The following KPNA1 variants were observed in gnomAD, a reference collection of about 807,000 sequenced individuals.
KPNA1 encodes importin subunit alpha-5.
In KPNA1, 10 loss-of-function variants were observed where a neutral mutation model predicts 70.5. That is an observed-to-expected ratio of 0.14 (90% CI 0.09 to 0.24). The LOEUF is 0.24. Among genes scored for constraint, KPNA1 ranks in the 10% least tolerant of loss-of-function variants. KPNA1 has a pLI of 1.00. For missense variants in KPNA1, 397 were observed against 637.9 expected, an observed-to-expected ratio of 0.62 and a Z score of 4.07; for synonymous variants, 192 against 221.9, an observed-to-expected ratio of 0.87 and a Z score of 1.20.
intron 2 of KPNA1, among the ~76,000 whole-genome samples, chr3:122,471,496 G>A (rs952203341): frequency 6.6e-6 from 1 of 152,180 alleles, no homozygotes; most frequent in African/African-American, 2.4e-5. Flanking sequence ...TAAAAACACA[G>A]ATTAAAAGTA....
intron 2 of KPNA1, among the ~76,000 whole-genome samples, chr3:122,469,995 T>A (rs890092057): frequency 5.9e-5 from 9 of 152,212 alleles, no homozygotes; most frequent in Non-Finnish European, 1.2e-4. Context: ...TAGACCTGCT[T>A]TGCAAGAAAT....
intron 9 of KPNA1, among the ~76,000 whole-genome samples, chr3:122,444,378 A>G (rs1341185598): frequency 6.6e-6 from 1 of 152,248 alleles, no homozygotes; most frequent in Non-Finnish European, 1.5e-5. Flanking sequence ...TGACAGGATT[A>G]AGAGATTAAA....
Position 122,449,015 on chromosome 3 carries a change from T to C in KPNA1, c.917+559A>G, listed in dbSNP as rs574206099. On this transcript the variant is annotated intron_variant, in intron 9 of 13. Transcript: ENST00000344337. ...GCGACAATGTCTCTTTGCATCTACT[T>C]TGTACTTTAAATCTCCCATACCTTG... Among the ~76,000 whole-genome samples, 5 of 152,360 alleles carry C rather than the reference T, an allele frequency of 3.3e-5. No homozygotes were observed. In the East Asian group the frequency reaches 7.7e-4, roughly 23 times the overall value.
chr3:122,463,834 A>C, intron 4 of KPNA1, 108 bp downstream of exon 4: 1 of 503,634 alleles, frequency 2.0e-6, no homozygotes, highest in South Asian at 4.0e-5. Flanking sequence ...TTATTCTTTT[A>C]TTGATAAAAA....
rs980426413 is a variant in KPNA1, at chr3:122,426,936, C to T, written c.*49G>A. ...GGACTGTGGGCTCCACAAGAGGACT[C>T]GACTGGGTAGCCTGGTCTGACACAG... On this transcript the variant is annotated 3_prime_UTR_variant, in exon 14 of 14. Transcript: ENST00000344337. 6 of 1,503,426 alleles carry T rather than the reference C, an allele frequency of 4.0e-6. No homozygotes were observed. The highest frequency in any genetic ancestry group is 3.5e-5 in the South Asian group (3 of 86,648). 93.1% of individuals were successfully genotyped at this position (1,503,426 alleles called of 1,614,324 possible). A position where few individuals can be genotyped will look rare whatever the true frequency, so the allele number is the denominator to read the frequency against.
intron 1 of KPNA1, among the ~76,000 whole-genome samples, chr3:122,510,292 T>A (rs545302578): frequency 7.2e-5 from 11 of 152,240 alleles, no homozygotes; most frequent in African/African-American, 2.6e-4. Context: ...GGGGAACCAG[T>A]ACAAAAGAGG....
chr3:122,451,606 G>C lies in KPNA1; in HGVS notation c.681C>G (p.Thr227=), dbSNP rs745467541. 2 of 1,613,868 alleles carry C rather than the reference G, an allele frequency of 1.2e-6. No individual in the cohort carries two copies. Among genetic ancestry groups the C allele is most frequent in the Non-Finnish European group, 8.5e-7 (1 of 1,179,862 alleles). The change falls in exon 8 of 14, where the codon ACC becomes ACG. Residue 227 remains threonine (T), a synonymous_variant. Transcript: ENST00000344337. ...AAGCCCATACTGCATTCCGGGTCAT[G>C]GTCAGGCGGTTTTGCTTTGAAAATA... ...LQLFSKQNRL[T]MTRNAVWALS...
chr3:122,447,005 C>T (rs1310931362), intron 9 of KPNA1, among the ~76,000 whole-genome samples: 1 of 152,088 alleles, frequency 6.6e-6, no homozygotes, highest in Non-Finnish European at 1.5e-5. Context: ...CAATAACAGG[C>T]TCTGAAATTG....
intron 2 of KPNA1, among the ~76,000 whole-genome samples, chr3:122,494,198 C>A (rs945336445): frequency 2.0e-5 from 3 of 152,146 alleles, no homozygotes; most frequent in Non-Finnish European, 4.4e-5. Flanking sequence ...AGGACTTACT[C>A]ATAAATTCTT....
At chr3:122,448,717 A>C (rs1199482936) in intron 9 of KPNA1, among the ~76,000 whole-genome samples, 1 of 152,070 alleles carries the variant, frequency 6.6e-6, no homozygotes, top group Admixed American at 6.5e-5. Context: ...TGTTGTGTAC[A>C]TTTACCCTAG....
In KPNA1 at chr3:122,482,766, A is replaced by G. The variant is rs1576329334; in HGVS notation, c.129+13671T>C. On this transcript the variant is annotated intron_variant, in intron 2 of 13. Coordinates refer to ENST00000344337, the MANE Select transcript of KPNA1 (RefSeq NM_002264.4). ...ATCAATAAAAATGAAATACTTAGGG[A>G]AAAATCTGACAAAAGATAAAAATCT... Among the ~76,000 whole-genome samples, 3 of 152,334 alleles carry G rather than the reference A, an allele frequency of 2.0e-5. No individual in the cohort carries two copies. In the South Asian group the frequency reaches 6.2e-4, roughly 32 times the overall value.
At chr3:122,449,784 AG>A (rs760144542) in intron 8 of KPNA1, 47 bp from the exon 9 acceptor site, 15 of 1,529,728 alleles carry the variant, frequency 9.8e-6, no homozygotes, top group Non-Finnish European at 1.3e-5. Flanking sequence ...ACTAAAAGCC[AG>A]AAGTGAGGTG....
At chr3:122,455,737 G>A (rs1393318662) in intron 5 of KPNA1, among the ~76,000 whole-genome samples, 1 of 152,012 alleles carries the variant, frequency 6.6e-6, no homozygotes, top group African/African-American at 2.4e-5. Flanking sequence ...TATATTTTTA[G>A]TAGAGACGAG....
intron 2 of KPNA1, among the ~76,000 whole-genome samples, chr3:122,471,334 T>C (rs1161369609): frequency 6.6e-6 from 1 of 152,230 alleles, no homozygotes; most frequent in Non-Finnish European, 1.5e-5. Context: ...TACAATGTTT[T>C]CCTTCACTGA....
rs897046643 is a variant in KPNA1 at position 122,422,866 on chromosome 3, A to G, written c.*4119T>C. ...TGACCTACAGGGAAAACACTCTGGG[A>G]CTTCGTTTACCCTTAGTTGAAAACA... On this transcript the variant is annotated 3_prime_UTR_variant, in exon 14 of 14. Transcript: ENST00000344337. 6.6e-6 allele frequency: 1 copy of G among 152,242 alleles called. No homozygotes were observed. Among genetic ancestry groups the G allele is most frequent in the Non-Finnish European group, 1.5e-5 (1 of 68,038 alleles). 9.4% of individuals were successfully genotyped at this position (152,242 alleles called of 1,614,324 possible).
chr3:122,432,693 A>G (rs574117043), intron 12 of KPNA1: 2 of 152,234 alleles, frequency 1.3e-5, no homozygotes, highest in East Asian at 3.9e-4. Context: ...CCTATCTGAA[A>G]TACTAGATGT....
intron 1 of KPNA1, among the ~76,000 whole-genome samples, chr3:122,509,302 A>G (rs999319071): frequency 1.3e-5 from 2 of 152,158 alleles, no homozygotes; most frequent in Non-Finnish European, 2.9e-5. Context: ...TGAGCAAAAA[A>G]GAACTCTCAA....
intron 2 of KPNA1, among the ~76,000 whole-genome samples, chr3:122,486,629 C>T (rs1478236106): frequency 4.6e-5 from 7 of 152,010 alleles, no homozygotes; most frequent in Non-Finnish European, 1.0e-4. Flanking sequence ...GCTCTGTCGC[C>T]CAGGCTGGAG....
chr3:122,488,124 G>A (rs983276559), intron 2 of KPNA1, among the ~76,000 whole-genome samples: 21 of 152,114 alleles, frequency 1.4e-4, no homozygotes, highest in Admixed American at 4.6e-4. Context: ...AATGATCCCC[G>A]TAACTCCTAT....
Sources: gnomAD v4.1 joint callset for allele counts (sites outside exome capture counted in the v4.1 genomes callset) on GRCh38, gnomAD v4.1.1 for gene constraint, MANE v1.5 for transcripts, NCBI Gene and HGNC (gene_info 2026-07-23, HGNC 2026-07-21) for gene names.